The following MAF variants were observed in gnomAD, a reference collection of about 807,000 sequenced individuals.
The protein encoded by MAF is transcription factor Maf.
MAF carries 10 observed loss-of-function variants against 22.0 expected under a neutral mutation model. The ratio of observed to expected loss-of-function variants is 0.45; its 90% confidence interval spans 0.28 to 0.77. MAF has a LOEUF of 0.77. Ranked by LOEUF, MAF falls within the 30% of genes least tolerant of loss-of-function variation. The pLI is 0.12. For missense variants in MAF, 544 were observed against 548.4 expected, an observed-to-expected ratio of 0.99 and a Z score of 0.08; for synonymous variants, 337 against 255.8, an observed-to-expected ratio of 1.32 and a Z score of -3.03.
the MAF span, among the ~76,000 whole-genome samples, chr16:79,479,062 C>T: frequency 6.6e-6 from 1 of 151,636 alleles, no homozygotes; most frequent in Admixed American, 6.6e-5. Flanking sequence ...CTGTGCACCA[C>T]TCTAGCACAT....
chr16:79,391,921 A>G, the MAF span, among the ~76,000 whole-genome samples: 144 of 145,186 alleles, frequency 9.9e-4, no homozygotes, highest in Non-Finnish European at 1.8e-3. Flanking sequence ...AAGGAGGAGG[A>G]GGAGAAGGAG....
At chr16:79,480,472 T>TA in the MAF span, among the ~76,000 whole-genome samples, 3,492 of 152,268 alleles carry the variant, frequency 0.023, 124 homozygotes, top group African/African-American at 0.069. Flanking sequence ...AGTCTTCCTC[T>TA]AAGCCACAGC....
chr16:79,452,414 T>C, the MAF span, among the ~76,000 whole-genome samples: 1 of 152,218 alleles, frequency 6.6e-6, no homozygotes, highest in Non-Finnish European at 1.5e-5. Flanking sequence ...AAAAAACTGA[T>C]AAACTGTTAG....
the MAF span, among the ~76,000 whole-genome samples, chr16:79,389,189 C>T: frequency 6.6e-6 from 1 of 152,170 alleles, no homozygotes; most frequent in African/African-American, 2.4e-5. Context: ...CCACTCAACT[C>T]CTTCCCCACC....
rs750439703 is a variant in MAF at position 79,597,125 on chromosome 16, T to A, written c.1118+1660A>T. ...CACATGCTGTATAAGCTACTTTTTT[T>A]AAACAGTCCCCTTGCAAACTCTACC... is the stretch of plus-strand genomic sequence containing the variant. On this transcript the variant is annotated intron_variant, in intron 1 of 1. Transcript: ENST00000326043. 743 of 1,058,466 alleles carry A rather than the reference T, an allele frequency of 7.0e-4. 1 individual carries two copies. Among genetic ancestry groups the A allele is most frequent in the Non-Finnish European group, 8.1e-4 (706 of 874,730 alleles). The allele number at this position is 1,058,466 out of a possible 1,614,324, so 65.6% of individuals were successfully genotyped here. A position where few individuals can be genotyped will look rare whatever the true frequency, so the allele number is the denominator to read the frequency against.
chr16:79,479,891 A>G, the MAF span, among the ~76,000 whole-genome samples: 4 of 152,170 alleles, frequency 2.6e-5, no homozygotes, highest in African/African-American at 9.7e-5. Context: ...CAGGGCTGGG[A>G]TTTGAACCAG....
chr16:79,473,090 C>T, the MAF span, among the ~76,000 whole-genome samples: 2 of 152,112 alleles, frequency 1.3e-5, no homozygotes, highest in Non-Finnish European at 2.9e-5. Context: ...GGACATGGAA[C>T]TGGGGATGCC....
chr16:79,366,330 T>C, the MAF span, among the ~76,000 whole-genome samples: 1 of 152,344 alleles, frequency 6.6e-6, no homozygotes, highest in African/African-American at 2.4e-5. Flanking sequence ...GTCAAGAGTA[T>C]AGGCAGGGTT....
chr16:79,524,760 C>T, the MAF span, among the ~76,000 whole-genome samples: 2 of 152,124 alleles, frequency 1.3e-5, no homozygotes, highest in African/African-American at 4.8e-5. Flanking sequence ...TTTCTTTCCC[C>T]AAAATTCTTT....
chr16:79,459,559 A>G, the MAF span, among the ~76,000 whole-genome samples: 1 of 152,146 alleles, frequency 6.6e-6, no homozygotes, highest in East Asian at 1.9e-4. Flanking sequence ...TTATTTCAAT[A>G]AGTTCTTACT....
At chr16:79,236,264 T>A in the MAF span, among the ~76,000 whole-genome samples, 1 of 152,066 alleles carries the variant, frequency 6.6e-6, no homozygotes, top group Non-Finnish European at 1.5e-5. Flanking sequence ...CCATCCTGGT[T>A]AATGTTGGTG....
At chr16:79,223,995 C>T in the MAF span, among the ~76,000 whole-genome samples, 3 of 152,190 alleles carry the variant, frequency 2.0e-5, no homozygotes, top group African/African-American at 7.2e-5. Flanking sequence ...AAGGAATCCT[C>T]CTTAACTCAT....
At chr16:79,261,161 T>C in the MAF span, among the ~76,000 whole-genome samples, 1 of 152,050 alleles carries the variant, frequency 6.6e-6, no homozygotes, top group Non-Finnish European at 1.5e-5. Flanking sequence ...TATTTATTTA[T>C]TTATTTATGA....
At chr16:79,314,080 T>A in the MAF span, among the ~76,000 whole-genome samples, 1 of 152,174 alleles carries the variant, frequency 6.6e-6, no homozygotes, top group Non-Finnish European at 1.5e-5. Context: ...CATTTTAACA[T>A]TCCTAAAACG....
chr16:79,370,355 C>G, the MAF span, among the ~76,000 whole-genome samples: 1 of 152,054 alleles, frequency 6.6e-6, no homozygotes, highest in Non-Finnish European at 1.5e-5. Flanking sequence ...CTTAAAACAC[C>G]CCCAAAATCT....
the MAF span, among the ~76,000 whole-genome samples, chr16:79,394,088 C>T: frequency 2.6e-5 from 4 of 152,254 alleles, no homozygotes; most frequent in South Asian, 2.1e-4. Flanking sequence ...CGTTCTTCAC[C>T]GTCATTCTCT....
the MAF span, among the ~76,000 whole-genome samples, chr16:79,375,423 T>G: frequency 6.6e-6 from 1 of 152,192 alleles, no homozygotes; most frequent in Non-Finnish European, 1.5e-5. Context: ...AGAGAGCAAC[T>G]GATTTCACAC....
chr16:79,556,989 A>T, the MAF span, among the ~76,000 whole-genome samples: 1 of 151,556 alleles, frequency 6.6e-6, no homozygotes, highest in East Asian at 1.9e-4. Flanking sequence ...GCTTTAAAAA[A>T]AAAAAAAATC....
the MAF span, among the ~76,000 whole-genome samples, chr16:79,236,440 T>C: frequency 6.6e-6 from 1 of 152,036 alleles, no homozygotes; most frequent in African/African-American, 2.4e-5. Context: ...CATTCCCACC[T>C]TTGGATCCAC....
Sources: gnomAD v4.1 joint callset for allele counts (sites outside exome capture counted in the v4.1 genomes callset) on GRCh38, gnomAD v4.1.1 for gene constraint, MANE v1.5 for transcripts, NCBI Gene and HGNC (gene_info 2026-07-23, HGNC 2026-07-21) for gene names.